Variants in HAUS6 observed in about 807,000 individuals in gnomAD.
HAUS6 encodes the protein HAUS augmin like complex subunit 6.
A neutral mutation model predicts 106.8 loss-of-function variants in HAUS6; 80 were observed. The ratio of observed to expected loss-of-function variants is 0.75; its 90% CI spans 0.63 to 0.90. HAUS6 has a LOEUF of 0.90. Ranked by LOEUF, HAUS6 falls within the 40% of genes least tolerant of loss-of-function variation. The probability of loss-of-function intolerance (pLI) is 0.00; values close to 1 mark genes in which losing one functional copy is unlikely to be tolerated. For missense variants in HAUS6, 1,155 were observed against 1,118.1 expected (o/e 1.03, Z -0.47); for synonymous variants, 356 against 379.1 (o/e 0.94, Z 0.71).
intron 3 of HAUS6, 99 bp downstream of exon 3, chr9:19,094,218 C>G: frequency 1.5e-6 from 1 of 674,176 alleles, no homozygotes; most frequent in East Asian, 2.7e-5. Flanking sequence ...ATACTGATAG[C>G]ATTAAAGCAT....
chr9:19,070,113 C>T (rs1486596591), intron 12 of HAUS6, 106 bp downstream of exon 12: 2 of 685,392 alleles, frequency 2.9e-6, no homozygotes, highest in Admixed American at 2.7e-5. Flanking sequence ...TCCAACTCCC[C>T]AACAGACCCA....
In HAUS6 at chr9:19,102,837, T is replaced by G. The variant is rs1380141916; in HGVS notation, c.-186A>C. 1 of 567,310 alleles carries G rather than the reference T, an allele frequency of 1.8e-6. No homozygotes were observed. 35.1% of individuals were successfully genotyped at this position (567,310 alleles called of 1,614,324 possible). Reference sequence around the variant, plus strand: ...CTCACAACCTCCGGGAAATTGAGTTTCTAACGGTATAGTGCGGCCACCACT... The same window carrying G: ...CTCACAACCTCCGGGAAATTGAGTTGCTAACGGTATAGTGCGGCCACCACT... On this transcript the variant is annotated 5_prime_UTR_variant, in exon 1 of 17. Transcript: ENST00000380502.
chr9:19,083,405 G>C (rs540534242), intron 7 of HAUS6, among the ~76,000 whole-genome samples: 1 of 152,080 alleles, frequency 6.6e-6, no homozygotes, highest in South Asian at 2.1e-4. Context: ...ACTGCACCCA[G>C]CTCCAAATCT....
At chr9:19,067,141 T>C (rs1225962947) in intron 12 of HAUS6, among the ~76,000 whole-genome samples, 1 of 152,234 alleles carries the variant, frequency 6.6e-6, no homozygotes, top group Non-Finnish European at 1.5e-5. Flanking sequence ...TTTAGTTGAA[T>C]AGTTATATTG....
At chr9:19,086,512 T>C (rs949452033) in intron 7 of HAUS6, among the ~76,000 whole-genome samples, 1 of 149,072 alleles carries the variant, frequency 6.7e-6, no homozygotes, top group Non-Finnish European at 1.5e-5. Context: ...CCCAGCTACT[T>C]AGGAGGCTGA....
chr9:19,068,140 G>A (rs199907663), intron 12 of HAUS6, among the ~76,000 whole-genome samples: 104 of 152,028 alleles, frequency 6.8e-4, no homozygotes, highest in Non-Finnish European at 1.1e-3. Flanking sequence ...AAGACAAATC[G>A]AAAACATAAC....
At chr9:19,097,750 T>C (rs1817894325) in intron 1 of HAUS6, among the ~76,000 whole-genome samples, 1 of 149,220 alleles carries the variant, frequency 6.7e-6, no homozygotes, top group Non-Finnish European at 1.5e-5. Context: ...ATTACCCTAA[T>C]TAATCAAAAC....
rs62622380 is a variant in HAUS6, at chr9:19,058,923, G to A, written c.1844C>T (p.Ala615Val). The change falls in exon 16 of 17, where the codon GCT becomes GTT. Residue 615 changes from alanine to valine, a missense_variant. By Grantham distance (64) the Ala-to-Val change is moderately conservative. Around this residue, in one of 3 missense-constraint regions of HAUS6, gnomAD observed 14 missense variants for 33.2 expected, o/e 0.42. Coordinates refer to ENST00000380502, the MANE Select transcript of HAUS6 (RefSeq NM_017645.5). Reference protein sequence around the residue: ...NRTKEPIQMDAEHREVLPESL... With the variant: ...NRTKEPIQMDVEHREVLPESL... ...TTCTGGCAATACTTCTCTATGTTCAGCATCCATTTGAATTGGTTCTTTAGT... is the reference window on the plus strand; with the variant it reads ...TTCTGGCAATACTTCTCTATGTTCAACATCCATTTGAATTGGTTCTTTAGT... The A allele has an allele frequency of 0.13, 201,323 of 1,586,380 alleles. 13,221 individuals carry two copies. The highest frequency in any genetic ancestry group is 0.14 in the Admixed American group (8,589 of 59,922).
At chr9:19,080,763 G>C in intron 8 of HAUS6, 91 bp from the exon 9 acceptor site, 3 of 745,002 alleles carry the variant, frequency 4.0e-6, no homozygotes, top group Non-Finnish European at 6.6e-6. Flanking sequence ...TACTATTAAA[G>C]TTTACCTTAA....
In HAUS6 at chr9:19,102,520, T is replaced by A; in HGVS notation, c.128+4A>T. 6.2e-7 allele frequency: 1 copy of A among 1,613,144 alleles called. No individual in the cohort carries two copies. The highest frequency in any genetic ancestry group is 2.2e-5 in the East Asian group (1 of 44,826). On this transcript the variant is annotated splice_donor_region_variant and intron_variant, in intron 1 of 16. Coordinates refer to ENST00000380502, the MANE Select transcript of HAUS6 (RefSeq NM_017645.5). ...CCTCGCCCCGCCGGCCCCGGCCTCC[T>A]TACACTCCGAGGTGCGTGTGCGACA...
intron 11 of HAUS6, among the ~76,000 whole-genome samples, chr9:19,074,935 CAGAATGTTTATAGA>C (rs1234282728): frequency 1.3e-5 from 2 of 152,026 alleles, no homozygotes; most frequent in Admixed American, 1.3e-4. Context: ...AAAACCTGTA[CAGAATGTTTATAGA>C]AGCATTACTC....
chr9:19,093,147 A>C, intron 4 of HAUS6, 24 bp downstream of exon 4: 1 of 1,434,836 alleles, frequency 7.0e-7, no homozygotes, highest in Non-Finnish European at 9.5e-7. Flanking sequence ...TCAAAACAAA[A>C]AATCTTTTAT....
chr9:19,091,335 A>G (rs1213984466), intron 4 of HAUS6, among the ~76,000 whole-genome samples: 1 of 152,038 alleles, frequency 6.6e-6, no homozygotes, highest in Non-Finnish European at 1.5e-5. Context: ...AAATTTCTAA[A>G]TATTTAACAG....
At chr9:19,077,136 G>A (rs1313208118) in intron 10 of HAUS6, among the ~76,000 whole-genome samples, 3 of 152,018 alleles carry the variant, frequency 2.0e-5, no homozygotes, top group Admixed American at 6.6e-5. Context: ...GAGCCACCAC[G>A]CCCAGCCCTA....
chr9:19,078,267 T>C lies in HAUS6; in HGVS notation c.1100A>G (p.His367Arg). 5 of 1,518,562 alleles carry C rather than the reference T, an allele frequency of 3.3e-6. No homozygotes were observed. The South Asian group carries it at 5.6e-5, about 17-fold the overall frequency. The allele number at this position is 1,518,562 out of a possible 1,614,324, so 94.1% of individuals were successfully genotyped here. The change falls in exon 10 of 17, where the codon CAT becomes CGT. Residue 367 changes from histidine to arginine, a missense_variant. Physicochemically the swap from His to Arg is conservative, Grantham distance 29. Coordinates refer to ENST00000380502, the MANE Select transcript of HAUS6 (RefSeq NM_017645.5). ...TTCTCCTTGCTTTTCAACAACAGAATGTCTTATAGTTGTGAGATCATCTTT... is the reference window on the plus strand; with the variant it reads ...TTCTCCTTGCTTTTCAACAACAGAACGTCTTATAGTTGTGAGATCATCTTT... Reference protein sequence around the residue: ...RIKDDLTTIRHSVVEKQGEWH... With the variant: ...RIKDDLTTIRRSVVEKQGEWH...
intron 1 of HAUS6, 49 bp downstream of exon 1, chr9:19,102,475 G>A (rs1818010802): frequency 6.3e-7 from 1 of 1,590,534 alleles, no homozygotes; most frequent in Admixed American, 1.7e-5. Context: ...GAGTCCCCCG[G>A]CGTCCCCCGG....
Position 19,054,116 on chromosome 9 carries a change from G to C in HAUS6, c.*2227C>G, listed in dbSNP as rs1836419054. 6.6e-6 allele frequency: 1 copy of C among 152,048 alleles called. No homozygotes were observed. Among genetic ancestry groups the C allele is most frequent in the African/African-American group, 2.4e-5 (1 of 41,406 alleles). 9.4% of individuals were successfully genotyped at this position (152,048 alleles called of 1,614,324 possible). A position where few individuals can be genotyped will look rare whatever the true frequency, so the allele number is the denominator to read the frequency against. ...AGGCTTAAAAGAGAGCTGTAATTGTGGTAAACTAGTAGAGGAAAGCAAGGT... is the reference window on the plus strand; with the variant it reads ...AGGCTTAAAAGAGAGCTGTAATTGTCGTAAACTAGTAGAGGAAAGCAAGGT... On this transcript the variant is annotated 3_prime_UTR_variant, in exon 17 of 17. Transcript: ENST00000380502.
chr9:19,060,132 G>A lies in HAUS6; in HGVS notation c.1721C>T (p.Pro574Leu). The part of the protein sequence containing the change: ...EELIDSLGSN[P>L]FLTRNQIPRT... ...GGGAATCTGATTCCTTGTTAAGAAG[G>A]GGTTAGAACCCAGAGAGTCAATTAG... is the stretch of plus-strand genomic sequence containing the variant. Residue 574 changes from proline (P) to leucine (L), a missense_variant, in exon 15 of 17, where the codon CCC (proline) becomes CTC (leucine). Around this residue, in one of 3 missense-constraint regions of HAUS6, gnomAD observed 761 missense variants for 690.0 expected, o/e 1.10. Coordinates refer to ENST00000380502, the MANE Select transcript of HAUS6 (RefSeq NM_017645.5). 3 of 1,605,906 alleles carry A rather than the reference G, an allele frequency of 1.9e-6. No individual in the cohort carries two copies. Among genetic ancestry groups the A allele is most frequent in the South Asian group, 2.2e-5 (2 of 90,308 alleles).
chr9:19,097,804 C>G (rs1441808478), intron 1 of HAUS6, among the ~76,000 whole-genome samples: 2 of 150,284 alleles, frequency 1.3e-5, no homozygotes, highest in East Asian at 1.9e-4. Context: ...TGAAAGAACA[C>G]TAAACCCTTT....
Sources: allele counts gnomAD v4.1 joint callset (sites outside exome capture counted in the v4.1 genomes callset), GRCh38; gene constraint gnomAD v4.1.1; regional missense constraint gnomAD v4.1.1; transcripts MANE v1.5; gene names NCBI Gene and HGNC (gene_info 2026-07-23, HGNC 2026-07-21).